Variants in NINL observed in about 807,000 individuals in gnomAD.
NINL encodes ninein-like protein.
A neutral mutation model predicts 160.3 loss-of-function variants in NINL; 153 were observed. That is an observed-to-expected ratio of 0.95 (90% CI 0.84 to 1.09). The LOEUF is 1.09. NINL is among the 50% of genes least tolerant of loss of function. The pLI, the probability that NINL is intolerant of heterozygous loss-of-function variation, is 0.00. For synonymous variants in NINL, 800 were observed against 734.8 expected (o/e 1.09, Z -1.43); for missense variants, 1,829 against 1,764.0 (o/e 1.04, Z -0.66).
At chr20:25,490,135 G>A (rs1462463003) in intron 11 of NINL, 150 bp from the exon 12 acceptor site, 7 of 712,922 alleles carry the variant, frequency 9.8e-6, no homozygotes, top group South Asian at 5.2e-5. Flanking sequence ...CTGTGCAGGC[G>A]GCTGTGCCGG....
intron 20 of NINL, 35 bp from the exon 21 acceptor site, chr20:25,461,670 G>A: frequency 7.4e-7 from 1 of 1,360,530 alleles, no homozygotes; most frequent in Non-Finnish European, 1.0e-6. Context: ...AAGTCAAGAA[G>A]TATCTGAAGA....
At chr20:25,457,193 G>T (rs2090708214) in intron 22 of NINL, among the ~76,000 whole-genome samples, 1 of 150,764 alleles carries the variant, frequency 6.6e-6, no homozygotes, top group South Asian at 2.1e-4. Context: ...GCATGGTGAT[G>T]CGTGCCTGTA....
intron 1 of NINL, among the ~76,000 whole-genome samples, chr20:25,557,082 T>C (rs973573540): frequency 1.3e-5 from 2 of 152,204 alleles, no homozygotes; most frequent in Non-Finnish European, 2.9e-5. Context: ...TGTATTTTAT[T>C]TTATACTGAA....
chr20:25,532,697 G>A (rs553505734), intron 1 of NINL, among the ~76,000 whole-genome samples: 1 of 152,358 alleles, frequency 6.6e-6, no homozygotes, highest in Admixed American at 6.5e-5. Context: ...GGGCAAGCAG[G>A]TGAGTCAGAC....
chr20:25,533,565 T>A (rs2064504346), intron 1 of NINL, among the ~76,000 whole-genome samples: 1 of 152,098 alleles, frequency 6.6e-6, no homozygotes, highest in Non-Finnish European at 1.5e-5. Context: ...GTCAAATCAG[T>A]GTGGTCTCAG....
At chr20:25,474,152 G>C (rs1025838777) in intron 17 of NINL, among the ~76,000 whole-genome samples, 1 of 152,228 alleles carries the variant, frequency 6.6e-6, no homozygotes, top group African/African-American at 2.4e-5. Context: ...AAGAGTCAGT[G>C]TTGGAGTAAG....
At chr20:25,566,357 T>C (rs973340156) in intron 1 of NINL, among the ~76,000 whole-genome samples, 6 of 151,990 alleles carry the variant, frequency 3.9e-5, no homozygotes, top group African/African-American at 9.7e-5. Flanking sequence ...TAAGTTCCTA[T>C]AGCCCAATCA....
chr20:25,489,045 C>A, intron 13 of NINL, 199 bp downstream of exon 13: 1 of 601,532 alleles, frequency 1.7e-6, no homozygotes, highest in Non-Finnish European at 3.0e-6. Context: ...TCCCTGGACA[C>A]ACAGAGGCGG....
chr20:25,482,020 G>A lies in NINL; in HGVS notation c.1758C>T (p.Pro586=), dbSNP rs758031223. ...WARLPKNRHS[P]SWSPDGRRRQ... ...GTCTGCGCCCATCCGGGCTCCATGA[G>A]GGGCTGTGCCGGTTCTTGGGCAGCC... Residue 586 remains proline (P), a synonymous_variant, in exon 14 of 24, where the codon CCC becomes CCT. Coordinates refer to ENST00000278886, the MANE Select transcript of NINL (RefSeq NM_025176.6). 1.3e-6 allele frequency: 2 copies of A among 1,598,660 alleles called. No homozygotes were observed. Among genetic ancestry groups the A allele is most frequent in the East Asian group, 4.5e-5 (2 of 44,870 alleles).
At chr20:25,528,493 G>A (rs1435116475) in intron 1 of NINL, among the ~76,000 whole-genome samples, 2 of 151,848 alleles carry the variant, frequency 1.3e-5, no homozygotes, top group Non-Finnish European at 2.9e-5. Context: ...GCAACTTTCT[G>A]GAGGAAAATA....
rs1039727747 is a variant in NINL at position 25,483,042 on chromosome 20, T to G, written c.1678-942A>C. 1.2e-4 allele frequency among the ~76,000 whole-genome samples: 17 copies of G among 145,042 alleles called. 1 individual carries two copies. In the South Asian group the frequency reaches 3.1e-3, roughly 26 times the overall value. ...AACTCCATCTCAAGAAAAAAATAAA[T>G]AAAGAAAAGAGGCCAGGTGTGGTGG... On this transcript the variant is annotated intron_variant, in intron 13 of 23. Coordinates refer to ENST00000278886, the MANE Select transcript of NINL (RefSeq NM_025176.6).
intron 17 of NINL, among the ~76,000 whole-genome samples, chr20:25,473,709 CACACACACAT>C (rs1239021676): frequency 8.8e-6 from 1 of 114,144 alleles, no homozygotes; most frequent in African/African-American, 3.2e-5. Flanking sequence ...CACACACACA[CACACACACAT>C]CAGCTGGGCA....
Position 25,540,053 on chromosome 20 carries a change from C to T in NINL, c.-11-13455G>A, listed in dbSNP as rs539867475. 4.0e-5 allele frequency: 51 copies of T among 1,287,616 alleles called. No individual in the cohort carries two copies. In the South Asian group the frequency reaches 5.8e-4, roughly 15 times the overall value. 79.8% of individuals were successfully genotyped at this position (1,287,616 alleles called of 1,614,324 possible). A position where few individuals can be genotyped will look rare whatever the true frequency, so the allele number is the denominator to read the frequency against. ...AGTTCAGAGGCCTCTTCAGTTTCTT[C>T]TTCATGCAAACTGAATTATTAATAC... On this transcript the variant is annotated intron_variant, in intron 1 of 23. Transcript: ENST00000278886.
At chr20:25,508,088 C>T (rs61416782) in intron 5 of NINL, among the ~76,000 whole-genome samples, 3,327 of 152,310 alleles carry the variant, frequency 0.022, 110 homozygotes, top group African/African-American at 0.075. Context: ...ATGTAAGACA[C>T]GGCAGCTTGG....
At chr20:25,472,342 T>G (rs915531241) in intron 17 of NINL, among the ~76,000 whole-genome samples, 3 of 127,878 alleles carry the variant, frequency 2.3e-5, no homozygotes, top group South Asian at 2.5e-4. Flanking sequence ...TATATATATA[T>G]ATATATATAT....
At position 25,476,502 on chromosome 20, in the gene NINL, G is replaced by A. The variant is rs751087888; in HGVS notation, c.2789C>T (p.Ala930Val). Residue 930 changes from alanine (A) to valine (V), a missense_variant, in exon 17 of 24, where the codon GCA (alanine) becomes GTA (valine). By Grantham distance (64) the Ala-to-Val change is moderately conservative (BLOSUM62 0). Transcript: ENST00000278886. ...GGCTCCAGGCTGCTCCAGCCCCGCT[G>A]CGCTCGCGCCGAAAGGCTCTGGCTC... ...PKEPEPFGAS[A>V]AGLEQPGARE... is the part of the protein sequence containing the mutation. The A allele has an allele frequency of 5.0e-5, 80 of 1,603,550 alleles. No homozygotes were observed. The highest frequency in any genetic ancestry group is 6.7e-5 in the Non-Finnish European group (79 of 1,179,862).
intron 23 of NINL, 51 bp downstream of exon 23, chr20:25,455,622 G>A (rs369469289): frequency 6.8e-6 from 9 of 1,328,954 alleles, no homozygotes; most frequent in Non-Finnish European, 9.7e-6. Context: ...TAAAAGTGGA[G>A]AGCGTTCAGA....
At chr20:25,567,654 C>T (rs1035434265) in intron 1 of NINL, among the ~76,000 whole-genome samples, 6 of 151,826 alleles carry the variant, frequency 4.0e-5, no homozygotes, top group African/African-American at 1.5e-4. Flanking sequence ...ACCATGAAGC[C>T]AAGAAAAAGA....
intron 18 of NINL, among the ~76,000 whole-genome samples, chr20:25,468,561 AC>A (rs1181229830): frequency 1.4e-4 from 7 of 49,558 alleles, no homozygotes; most frequent in African/African-American, 5.4e-4. Context: ...ACTGGTGCGC[AC>A]CCCCCTGCCC....
Sources: allele counts gnomAD v4.1 joint callset (sites outside exome capture counted in the v4.1 genomes callset), GRCh38; gene constraint gnomAD v4.1.1; transcripts MANE v1.5; gene names NCBI Gene and HGNC (gene_info 2026-07-23, HGNC 2026-07-21).